The following DYNC2H1 variants were observed in gnomAD, a reference collection of about 807,000 sequenced individuals.
DYNC2H1 encodes the protein dynein cytoplasmic 2 heavy chain 1, also known as cytoplasmic dynein 2 heavy chain 1.
DYNC2H1 carries 410 observed loss-of-function variants against 570.0 expected under a neutral mutation model. The observed-to-expected ratio is 0.72, with a 90% CI of 0.66 to 0.78. The LOEUF is 0.78. Ranked by LOEUF, DYNC2H1 falls within the 30% of genes least tolerant of loss-of-function variation. DYNC2H1 has a pLI of 0.00. For missense variants in DYNC2H1, 4,865 were observed against 5,046.4 expected (o/e 0.96, Z 1.09); for synonymous variants, 1,688 against 1,677.6 (o/e 1.01, Z -0.15).
At chr11:103,251,405 T>A (rs1298888993) in intron 65 of DYNC2H1, among the ~76,000 whole-genome samples, 8 of 148,996 alleles carry the variant, frequency 5.4e-5, no homozygotes, top group African/African-American at 7.6e-5. Context: ...TTGGGTTTTT[T>A]AAAAAATATT....
chr11:103,417,801 G>A (rs926952973), intron 84 of DYNC2H1, among the ~76,000 whole-genome samples: 4 of 151,684 alleles, frequency 2.6e-5, no homozygotes, highest in Non-Finnish European at 4.4e-5. Context: ...GCTTGAACCC[G>A]GGAGGCAAAG....
intron 85 of DYNC2H1, among the ~76,000 whole-genome samples, chr11:103,452,487 T>TA (rs1227125369): frequency 6.6e-6 from 1 of 152,016 alleles, no homozygotes; most frequent in Non-Finnish European, 1.5e-5. Context: ...GATTAGCCTC[T>TA]GACTTCTATA....
intron 88 of DYNC2H1, chr11:103,474,048 A>C (rs1168602936): frequency 4.8e-6 from 1 of 210,148 alleles, no homozygotes; most frequent in Non-Finnish European, 1.1e-5. Flanking sequence ...AAAATACCAA[A>C]TATTTCACTA....
At chr11:103,383,140 A>G (rs1242899257) in intron 83 of DYNC2H1, among the ~76,000 whole-genome samples, 1 of 152,182 alleles carries the variant, frequency 6.6e-6, no homozygotes, top group African/African-American at 2.4e-5. Flanking sequence ...TGAGGGTGCC[A>G]AATTAAGCTG....
rs148972405 is a variant in DYNC2H1 at position 103,199,011 on chromosome 11, C to G, written c.7840-217C>G. On this transcript the variant is annotated intron_variant, in intron 48 of 88. Transcript: ENST00000375735. This position sits in a 1 kb window ranked among gnomAD's most constrained non-coding sequence, Gnocchi z 4.6. ...CAAAAGTAACTGATTTTCACGGACCCTTGAACTTGTTTGACATGAGTTTTT... is the reference window on the plus strand; with the variant it reads ...CAAAAGTAACTGATTTTCACGGACCGTTGAACTTGTTTGACATGAGTTTTT... Among the ~76,000 whole-genome samples the G allele has an allele frequency of 9.9e-4, 150 of 152,174 alleles. No individual in the cohort carries two copies. The highest frequency in any genetic ancestry group is 3.3e-3 in the African/African-American group (137 of 41,510).
intron 84 of DYNC2H1, among the ~76,000 whole-genome samples, chr11:103,424,903 T>G (rs1045171607): frequency 6.6e-6 from 1 of 152,170 alleles, no homozygotes; most frequent in African/African-American, 2.4e-5. Flanking sequence ...TTCTTCTGTC[T>G]TATATCCAAT....
rs112772090 is a variant in DYNC2H1, at chr11:103,427,155, T to C, written c.12367-8788T>C. 1.9e-3 allele frequency among the ~76,000 whole-genome samples: 292 copies of C among 152,226 alleles called. 3 individuals are homozygous for C. The highest frequency in any genetic ancestry group is 6.7e-3 in the African/African-American group (279 of 41,556). On this transcript the variant is annotated intron_variant, in intron 84 of 88. Coordinates refer to ENST00000375735, the MANE Select transcript of DYNC2H1 (RefSeq NM_001377.3). Reference sequence around the variant, plus strand: ...ATAGAAATTATAACCCCAACATGCCTACATACATACATACTTTTAACTATG... The same window carrying C: ...ATAGAAATTATAACCCCAACATGCCCACATACATACATACTTTTAACTATG...
intron 45 of DYNC2H1, among the ~76,000 whole-genome samples, chr11:103,190,582 G>A (rs1175903117): frequency 6.6e-6 from 1 of 152,112 alleles, no homozygotes; most frequent in East Asian, 1.9e-4. Context: ...TTAGATAAAG[G>A]GAATAGCGTG....
At chr11:103,412,667 A>G (rs1943133265) in intron 84 of DYNC2H1, among the ~76,000 whole-genome samples, 1 of 152,176 alleles carries the variant, frequency 6.6e-6, no homozygotes, top group East Asian at 1.9e-4. Context: ...TCCTTCAGCA[A>G]TATGGCAAAA....
At position 103,198,008 on chromosome 11, in the gene DYNC2H1, A is replaced by G. The variant is rs755505546; in HGVS notation, c.7784A>G (p.His2595Arg). 1.2e-5 allele frequency: 19 copies of G among 1,557,628 alleles called. 1 individual carries two copies. The South Asian group carries it at 1.8e-4, about 15-fold the overall frequency. The change falls in exon 48 of 89, where the codon CAT (histidine) becomes CGT (arginine). Residue 2595 changes from histidine to arginine, a missense_variant. His to Arg is a conservative substitution (Grantham distance 29, BLOSUM62 0). Transcript: ENST00000375735. ...GCCCCAGGACAACCATTACCTCCAC[A>G]TGGAAAACCACTTGGAAAACTAAAC... ...RAAPGQPLPP[H>R]GKPLGKLNST...
chr11:103,214,718 G>C (rs1424769051), intron 54 of DYNC2H1, among the ~76,000 whole-genome samples: 1 of 151,540 alleles, frequency 6.6e-6, no homozygotes, highest in Non-Finnish European at 1.5e-5. Flanking sequence ...GCTGGGATTA[G>C]AGGTGTGAGC....
chr11:103,214,463 G>A (rs868181096), intron 54 of DYNC2H1, among the ~76,000 whole-genome samples: 3 of 32,746 alleles, frequency 9.2e-5, no homozygotes, highest in Non-Finnish European at 1.3e-4. Flanking sequence ...TTTTTTTTTT[G>A]AGTAGGAGTC....
rs191559638 is a variant in DYNC2H1 at position 103,254,282 on chromosome 11, G to A, written c.10206+834G>A. 1.3e-5 allele frequency among the ~76,000 whole-genome samples: 2 copies of A among 152,262 alleles called. No individual in the cohort carries two copies. The highest frequency in any genetic ancestry group is 3.9e-4 in the East Asian group (2 of 5,172). ...AGAATTAATTGACAGAATTGCTCCT[G>A]CTGTGTAAAAGATCTCCACAGTAGT... On this transcript the variant is annotated intron_variant, in intron 66 of 88. Transcript: ENST00000375735. This position sits in a 1 kb window ranked among gnomAD's most constrained non-coding sequence, Gnocchi z 4.9.
intron 17 of DYNC2H1, among the ~76,000 whole-genome samples, chr11:103,136,910 T>C (rs1335904032): frequency 6.6e-6 from 1 of 151,748 alleles, no homozygotes; most frequent in Non-Finnish European, 1.5e-5. Context: ...TTTTTAATGA[T>C]TGCCATTCTA....
In DYNC2H1 at chr11:103,400,159, C is replaced by T. The variant is rs528337885; in HGVS notation, c.12366+287C>T. On this transcript the variant is annotated intron_variant, in intron 84 of 88. Coordinates refer to ENST00000375735, the MANE Select transcript of DYNC2H1 (RefSeq NM_001377.3). Reference sequence around the variant, plus strand: ...TGTTGATTTCACTTTGGGGCAGGTCCCCTATACATGAGCTTGAGTTTTATA... The same window carrying T: ...TGTTGATTTCACTTTGGGGCAGGTCTCCTATACATGAGCTTGAGTTTTATA... Among the ~76,000 whole-genome samples the T allele has an allele frequency of 1.6e-3, 244 of 152,196 alleles. 1 individual carries two copies. The highest frequency in any genetic ancestry group is 2.2e-3 in the Admixed American group (34 of 15,294).
At chr11:103,135,403 A>G (rs1395750478) in intron 15 of DYNC2H1, 92 bp from the exon 16 acceptor site, 9 of 1,181,646 alleles carry the variant, frequency 7.6e-6, no homozygotes, top group African/African-American at 6.3e-5. Context: ...TTTTGTGATT[A>G]TAATTGTGCA....
intron 82 of DYNC2H1, among the ~76,000 whole-genome samples, chr11:103,333,569 T>C (rs1323071268): frequency 6.6e-6 from 1 of 152,192 alleles, no homozygotes; most frequent in Non-Finnish European, 1.5e-5. Flanking sequence ...AAATGTGTCA[T>C]TGAAACTCAG....
chr11:103,436,145 A>G, intron 85 of DYNC2H1, 113 bp downstream of exon 85: 1 of 809,052 alleles, frequency 1.2e-6, no homozygotes, highest in Non-Finnish European at 1.9e-6. Flanking sequence ...TGCACATAAA[A>G]CATCATATAT....
intron 83 of DYNC2H1, among the ~76,000 whole-genome samples, chr11:103,385,188 A>C (rs1941822339): frequency 6.6e-6 from 1 of 151,972 alleles, no homozygotes; most frequent in Admixed American, 6.6e-5. Flanking sequence ...GTAAGATTTA[A>C]TGGGCTTTTT....
Sources: allele counts gnomAD v4.1 joint callset (sites outside exome capture counted in the v4.1 genomes callset), GRCh38; gene constraint gnomAD v4.1.1; non-coding constraint Gnocchi (gnomAD v3.1); transcripts MANE v1.5; gene names NCBI Gene and HGNC (gene_info 2026-07-23, HGNC 2026-07-21).